Variants in PLA2G4A observed in about 807,000 individuals in gnomAD.
The protein encoded by PLA2G4A is phospholipase A2 group IVA, also known as cytosolic phospholipase A2.
In PLA2G4A, 40 loss-of-function variants were observed where a neutral mutation model predicts 81.9. The observed-to-expected ratio is 0.49, with a 90% confidence interval of 0.38 to 0.64. The LOEUF (loss-of-function observed/expected upper bound fraction) is 0.64, where lower values mean the gene tolerates loss of function less well. Among genes scored for constraint, PLA2G4A ranks in the 30% least tolerant of loss-of-function variants. The pLI is 0.00. For missense variants in PLA2G4A, 715 were observed against 905.1 expected, an observed-to-expected ratio of 0.79 and a Z score of 2.69; for synonymous variants, 302 against 296.9, an observed-to-expected ratio of 1.02 and a Z score of -0.18.
At chr1:186,885,703 G>T (rs908761700) in intron 3 of PLA2G4A, among the ~76,000 whole-genome samples, 1 of 152,028 alleles carries the variant, frequency 6.6e-6, no homozygotes, top group Non-Finnish European at 1.5e-5. Context: ...ATTTTACCAG[G>T]AAACCAGATA....
chr1:186,943,725 T>TA (rs940819699), intron 10 of PLA2G4A, among the ~76,000 whole-genome samples: 6 of 152,050 alleles, frequency 3.9e-5, no homozygotes, highest in Admixed American at 1.3e-4. Context: ...GCATCACTAT[T>TA]AAAAAAAACA....
intron 1 of PLA2G4A, among the ~76,000 whole-genome samples, chr1:186,847,499 T>C (rs1652221534): frequency 6.6e-6 from 1 of 152,074 alleles, no homozygotes; most frequent in African/African-American, 2.4e-5. Context: ...CACCTATGTA[T>C]TGGACTTTAA....
chr1:186,938,583 C>A (rs566414858), intron 8 of PLA2G4A, among the ~76,000 whole-genome samples: 1 of 152,220 alleles, frequency 6.6e-6, no homozygotes, highest in East Asian at 1.9e-4. Context: ...ATATTTTCTA[C>A]CTGTAGATAA....
At chr1:186,868,203 T>A (rs1166532954) in intron 2 of PLA2G4A, among the ~76,000 whole-genome samples, 1 of 151,196 alleles carries the variant, frequency 6.6e-6, no homozygotes, top group Non-Finnish European at 1.5e-5. Flanking sequence ...GCCTCCCAAG[T>A]AGCTGGGATT....
intron 5 of PLA2G4A, among the ~76,000 whole-genome samples, chr1:186,897,937 T>C (rs1005629183): frequency 2.0e-5 from 3 of 152,172 alleles, no homozygotes; most frequent in Non-Finnish European, 4.4e-5. Context: ...ATCCAATAGG[T>C]AGTTTTTCAA....
intron 3 of PLA2G4A, among the ~76,000 whole-genome samples, chr1:186,881,828 T>C (rs1980444): frequency 0.64 from 97,916 of 151,866 alleles, 34,162 homozygotes; most frequent in Middle Eastern, 0.82. Context: ...AGGTGACCTG[T>C]TCCACAGTAT....
rs760479856 is a variant in PLA2G4A at position 186,939,053 on chromosome 1, G to A, written c.741G>A (p.Gly247=). 1 of 1,610,840 alleles carries A rather than the reference G, an allele frequency of 6.2e-7. No individual in the cohort carries two copies. The highest frequency in any genetic ancestry group is 8.5e-7 in the Non-Finnish European group (1 of 1,177,198). ...CTCACCCTGATTTTCCAGAGAAAGG[G>A]CCAGAGGAGATTAATGAAGAACTAA... is the stretch of plus-strand genomic sequence containing the variant. ...LYSHPDFPEK[G]PEEINEELMK... Residue 247 remains glycine, a synonymous_variant, in exon 9 of 18, where the codon GGG becomes GGA. Transcript: ENST00000367466.
At chr1:186,966,817 G>A (rs2383557) in intron 15 of PLA2G4A, among the ~76,000 whole-genome samples, 146,181 of 152,262 alleles carry the variant, frequency 0.96, 70,250 homozygotes, top group East Asian at 1. Context: ...ATCATAGTAT[G>A]TTGTATGTTT....
At chr1:186,932,654 A>C in intron 7 of PLA2G4A, 109 bp from the exon 8 acceptor site, 1 of 1,123,414 alleles carries the variant, frequency 8.9e-7, no homozygotes, top group Non-Finnish European at 1.4e-6. Context: ...GTTAACTTAC[A>C]CTTCTTTGTG....
chr1:186,941,226 T>C (rs2102222477), intron 10 of PLA2G4A, among the ~76,000 whole-genome samples: 2 of 152,276 alleles, frequency 1.3e-5, no homozygotes, highest in Admixed American at 1.3e-4. Flanking sequence ...ATTCTATTTT[T>C]AGGAAAATTA....
chr1:186,846,592 C>T (rs570935102), intron 1 of PLA2G4A, among the ~76,000 whole-genome samples: 89 of 152,230 alleles, frequency 5.8e-4, no homozygotes, highest in Non-Finnish European at 9.4e-4. Flanking sequence ...ATTAATTAAA[C>T]GACAAACCTT....
At chr1:186,838,800 CG>C (rs765470161) in intron 1 of PLA2G4A, among the ~76,000 whole-genome samples, 4 of 151,944 alleles carry the variant, frequency 2.6e-5, no homozygotes, top group Admixed American at 6.6e-5. Flanking sequence ...TTATAGACTT[CG>C]AATCATTAGA....
In PLA2G4A at chr1:186,934,445, T is replaced by TAC. The variant is rs1655862013; in HGVS notation, c.695+1547_695+1548insCA. Reference sequence around the variant, plus strand: ...ATTAAAAGGATTTTAAATGTGCACATATATATATATATATATATACATACA... The same window carrying TAC: ...ATTAAAAGGATTTTAAATGTGCACATACATATATATATATATATATACATACA... On this transcript the variant is annotated intron_variant, in intron 8 of 17. Transcript: ENST00000367466. 1.0e-4 allele frequency among the ~76,000 whole-genome samples: 8 copies of TAC among 79,828 alleles called. 1 individual carries two copies. Among genetic ancestry groups the TAC allele is most frequent in the Admixed American group, 6.5e-4 (6 of 9,238 alleles). 52.4% of individuals were successfully genotyped at this position (79,828 alleles called of 152,430 possible).
chr1:186,911,448 T>A (rs935803098), intron 7 of PLA2G4A, 59 bp downstream of exon 7: 5 of 1,289,384 alleles, frequency 3.9e-6, no homozygotes, highest in Non-Finnish European at 4.5e-6. Flanking sequence ...CTTGGACAAT[T>A]TCCCCAATAA....
intron 6 of PLA2G4A, 37 bp downstream of exon 6, chr1:186,907,039 G>A (rs541743186): frequency 1.8e-6 from 2 of 1,081,646 alleles, no homozygotes; most frequent in South Asian, 2.5e-5. Context: ...GAAATATTGT[G>A]AGTGATCCAC....
At chr1:186,866,209 A>G (rs1653021520) in intron 2 of PLA2G4A, among the ~76,000 whole-genome samples, 1 of 152,050 alleles carries the variant, frequency 6.6e-6, no homozygotes, top group Non-Finnish European at 1.5e-5. Context: ...TGCATGTGAT[A>G]GTGGCCCCAG....
At chr1:186,929,921 G>C (rs1234121659) in intron 7 of PLA2G4A, among the ~76,000 whole-genome samples, 1 of 152,082 alleles carries the variant, frequency 6.6e-6, no homozygotes, top group Non-Finnish European at 1.5e-5. Context: ...AATTAGCCAG[G>C]TGTGGTGCAC....
At chr1:186,909,546 G>A (rs1654866114) in intron 6 of PLA2G4A, among the ~76,000 whole-genome samples, 1 of 150,814 alleles carries the variant, frequency 6.6e-6, no homozygotes, top group Admixed American at 6.6e-5. Flanking sequence ...TGTAATCCCA[G>A]CTACTTGGGA....
chr1:186,877,444 T>C (rs929145470), intron 3 of PLA2G4A, among the ~76,000 whole-genome samples: 2 of 152,076 alleles, frequency 1.3e-5, no homozygotes, highest in African/African-American at 4.8e-5. Context: ...TCTGTGCATT[T>C]GACTAATTTT....
Sources: gnomAD v4.1 joint callset for allele counts (sites outside exome capture counted in the v4.1 genomes callset) on GRCh38, gnomAD v4.1.1 for gene constraint, MANE v1.5 for transcripts, NCBI Gene and HGNC (gene_info 2026-07-23, HGNC 2026-07-21) for gene names.